SMYD3: variants seen among roughly 807,000 people sequenced by gnomAD.
The protein encoded by SMYD3 is histone-lysine N-methyltransferase SMYD3.
Under a neutral mutation model 57.7 loss-of-function variants are expected in SMYD3, and 36 were observed. That is an observed-to-expected ratio of 0.62 (90% confidence interval 0.48 to 0.82). SMYD3 has a LOEUF of 0.82. Among genes scored for constraint, SMYD3 ranks in the 40% least tolerant of loss-of-function variants. SMYD3 has a pLI of 0.00. For synonymous variants in SMYD3, 211 were observed against 195.0 expected, an observed-to-expected ratio of 1.08 and a Z score of -0.68; for missense variants, 515 against 538.8, an observed-to-expected ratio of 0.96 and a Z score of 0.44.
intron 5 of SMYD3, among the ~76,000 whole-genome samples, chr1:246,122,221 G>A (rs533757226): frequency 2.0e-5 from 3 of 151,684 alleles, no homozygotes; most frequent in Non-Finnish European, 4.4e-5. Context: ...ACTAGCCTGA[G>A]CAACATGGCA....
intron 11 of SMYD3, among the ~76,000 whole-genome samples, chr1:245,760,650 T>C (rs1010715311): frequency 7.9e-5 from 12 of 152,176 alleles, no homozygotes; most frequent in Non-Finnish European, 1.5e-4. Context: ...ATTGGGGGCA[T>C]GTGTGTCTAT....
chr1:246,332,536 T>G (rs1383865888), intron 3 of SMYD3, among the ~76,000 whole-genome samples: 1 of 152,232 alleles, frequency 6.6e-6, no homozygotes, highest in Non-Finnish European at 1.5e-5. Context: ...CCAGGTGCGG[T>G]GGCTTACGCC....
intron 1 of SMYD3, among the ~76,000 whole-genome samples, chr1:246,488,984 C>CCT (rs146973433): frequency 1.1e-4 from 16 of 150,590 alleles, no homozygotes; most frequent in East Asian, 1.9e-4. Flanking sequence ...TTTAACAAGT[C>CCT]CTCTCTCTCT....
At chr1:245,833,621 C>G (rs971043062) in intron 10 of SMYD3, among the ~76,000 whole-genome samples, 5 of 152,216 alleles carry the variant, frequency 3.3e-5, no homozygotes, top group Admixed American at 6.5e-5. Flanking sequence ...TAGTGTTTGC[C>G]AAGTTTTTCC....
At chr1:246,186,908 T>A (rs2062649866) in intron 5 of SMYD3, 1 of 985,382 alleles carries the variant, frequency 1.0e-6, no homozygotes, top group Non-Finnish European at 1.2e-6. Context: ...AGAGTCATTA[T>A]GCAAGAGGTC....
intron 5 of SMYD3, among the ~76,000 whole-genome samples, chr1:246,125,786 A>G (rs1310689727): frequency 6.6e-6 from 1 of 152,198 alleles, no homozygotes; most frequent in Non-Finnish European, 1.5e-5. Flanking sequence ...AATATGGGCA[A>G]TATGGCTATG....
intron 5 of SMYD3, among the ~76,000 whole-genome samples, chr1:246,209,259 T>G (rs1217446478): frequency 6.6e-6 from 1 of 152,170 alleles, no homozygotes; most frequent in Non-Finnish European, 1.5e-5. Context: ...CCTTAATAAC[T>G]TCTGAACAAT....
At position 246,216,728 on chromosome 1, in the gene SMYD3, T is replaced by C. The variant is rs543304762; in HGVS notation, c.531+110473A>G. Among the ~76,000 whole-genome samples, 149 of 152,248 alleles carry C rather than the reference T, an allele frequency of 9.8e-4. 1 individual carries two copies. The highest frequency in any genetic ancestry group is 3.4e-3 in the African/African-American group (141 of 41,508). ...TTAAAAAGAGAACATTAAAATAAAATTCATGATTTAAGTGATAAGAAAGAA... is the reference window on the plus strand; with the variant it reads ...TTAAAAAGAGAACATTAAAATAAAACTCATGATTTAAGTGATAAGAAAGAA... On this transcript the variant is annotated intron_variant, in intron 5 of 11. Coordinates refer to ENST00000490107, the MANE Select transcript of SMYD3 (RefSeq NM_001167740.2).
At chr1:245,840,958 C>A (rs1489432616) in intron 10 of SMYD3, among the ~76,000 whole-genome samples, 2 of 152,166 alleles carry the variant, frequency 1.3e-5, no homozygotes, top group African/African-American at 4.8e-5. Context: ...CTGCGCACTT[C>A]CAAACTATAC....
intron 8 of SMYD3, among the ~76,000 whole-genome samples, chr1:245,882,092 C>CA (rs1464284060): frequency 1.3e-5 from 2 of 152,180 alleles, no homozygotes. Flanking sequence ...AATTCCAAGA[C>CA]AACAGGGTGG....
intron 5 of SMYD3, among the ~76,000 whole-genome samples, chr1:246,003,179 G>A (rs1175620561): frequency 6.6e-6 from 1 of 152,172 alleles, no homozygotes; most frequent in African/African-American, 2.4e-5. Flanking sequence ...CAGAAGAACC[G>A]AACCCAGAAC....
intron 5 of SMYD3, among the ~76,000 whole-genome samples, chr1:246,264,202 T>G (rs2148528904): frequency 6.6e-6 from 1 of 152,344 alleles, no homozygotes; most frequent in South Asian, 2.1e-4. Flanking sequence ...GACTGTATAT[T>G]CTTTTTAAAT....
chr1:245,945,933 G>A (rs2057414556), intron 5 of SMYD3, among the ~76,000 whole-genome samples: 1 of 152,152 alleles, frequency 6.6e-6, no homozygotes, highest in Non-Finnish European at 1.5e-5. Context: ...GACACAGGGA[G>A]GGGAACAACA....
intron 5 of SMYD3, among the ~76,000 whole-genome samples, chr1:246,065,857 G>A (rs1455549040): frequency 2.0e-5 from 3 of 152,104 alleles, no homozygotes; most frequent in African/African-American, 7.2e-5. Flanking sequence ...TTGCTGTCAA[G>A]GAACTTATAG....
intron 5 of SMYD3, among the ~76,000 whole-genome samples, chr1:246,288,408 CA>C (rs2064616670): frequency 6.6e-6 from 1 of 152,010 alleles, no homozygotes; most frequent in South Asian, 2.1e-4. Flanking sequence ...AGGGAAAACC[CA>C]GAAGTGGCCT....
intron 5 of SMYD3, among the ~76,000 whole-genome samples, chr1:246,022,298 T>C (rs181157041): frequency 9.1e-4 from 138 of 152,298 alleles, no homozygotes; most frequent in Non-Finnish European, 1.1e-3. Flanking sequence ...AGCATCTCTA[T>C]ACGAAGATGT....
rs574558285 is a variant in SMYD3 at position 246,105,258 on chromosome 1, C to A, written c.532-175321G>T. Among the ~76,000 whole-genome samples the A allele has an allele frequency of 2.6e-5, 4 of 152,044 alleles. No homozygotes were observed. The South Asian group carries it at 8.3e-4, about 32-fold the overall frequency. Reference sequence around the variant, plus strand: ...ATGCACAGATGGGCCCTGGTGGGGACAGAGTTCAGGAACCTGACTAAAGTT... The same window carrying A: ...ATGCACAGATGGGCCCTGGTGGGGAAAGAGTTCAGGAACCTGACTAAAGTT... On this transcript the variant is annotated intron_variant, in intron 5 of 11. Transcript: ENST00000490107.
intron 2 of SMYD3, among the ~76,000 whole-genome samples, chr1:246,350,830 C>A (rs753018550): frequency 3.3e-5 from 5 of 152,164 alleles, no homozygotes; most frequent in African/African-American, 1.2e-4. Context: ...GAAAAACTTC[C>A]GGCTCCAGAC....
intron 5 of SMYD3, among the ~76,000 whole-genome samples, chr1:246,016,898 T>C (rs1479351977): frequency 2.0e-5 from 3 of 151,998 alleles, no homozygotes; most frequent in Non-Finnish European, 4.4e-5. Context: ...GTCGGTCTAA[T>C]GCTAAGAATG....
Sources: gnomAD v4.1 joint callset for allele counts (sites outside exome capture counted in the v4.1 genomes callset) on GRCh38, gnomAD v4.1.1 for gene constraint, MANE v1.5 for transcripts, NCBI Gene and HGNC (gene_info 2026-07-23, HGNC 2026-07-21) for gene names.